Variants in CHODL observed in about 807,000 individuals in gnomAD.
CHODL encodes the protein transmembrane protein MT75.
In CHODL, 29 loss-of-function variants were observed where a neutral mutation model predicts 34.5. That is an observed-to-expected ratio of 0.84 (90% CI 0.63 to 1.15). The LOEUF is 1.15. CHODL is among the 50% of genes most tolerant of loss of function. The probability of loss-of-function intolerance (pLI) is 0.00; values close to 1 mark genes in which losing one functional copy is unlikely to be tolerated. For missense variants in CHODL, 332 were observed against 332.5 expected (o/e 1.00, Z 0.01); for synonymous variants, 125 against 116.1 (o/e 1.08, Z -0.49).
intron 2 of CHODL, among the ~76,000 whole-genome samples, chr21:18,042,304 T>G (rs2146455463): frequency 6.6e-6 from 1 of 151,982 alleles, no homozygotes; most frequent in South Asian, 2.1e-4. Flanking sequence ...TCTGCAAACC[T>G]TCTTACAGCC....
intron 1 of CHODL, among the ~76,000 whole-genome samples, chr21:17,954,976 C>T (rs1206418709): frequency 7.6e-6 from 1 of 131,952 alleles, no homozygotes; most frequent in Non-Finnish European, 1.7e-5. Flanking sequence ...AGGCTACTGT[C>T]ATAAACTTTT....
At chr21:17,971,965 G>A (rs560211365) in intron 1 of CHODL, among the ~76,000 whole-genome samples, 38 of 152,226 alleles carry the variant, frequency 2.5e-4, no homozygotes, top group Non-Finnish European at 3.8e-4. Flanking sequence ...TATCTACCAC[G>A]AACAAGTCGG....
chr21:18,167,290 T>C (rs2073169277), intron 2 of CHODL, among the ~76,000 whole-genome samples: 1 of 148,906 alleles, frequency 6.7e-6, no homozygotes, highest in African/African-American at 2.5e-5. Context: ...GAGTTTTTAC[T>C]GAAGTGTTTT....
intron 1 of CHODL, among the ~76,000 whole-genome samples, chr21:17,948,548 G>A (rs1009398223): frequency 2.0e-5 from 3 of 151,670 alleles, no homozygotes; most frequent in African/African-American, 7.3e-5. Flanking sequence ...GAAAAAAAGA[G>A]GAAATAAAAT....
At chr21:18,200,171 T>C (rs2073635834) in intron 2 of CHODL, among the ~76,000 whole-genome samples, 1 of 152,182 alleles carries the variant, frequency 6.6e-6, no homozygotes, top group African/African-American at 2.4e-5. Context: ...AGTGTTGATT[T>C]GGGTATTTTT....
chr21:18,026,243 C>T (rs796905975), intron 1 of CHODL, among the ~76,000 whole-genome samples: 5 of 152,282 alleles, frequency 3.3e-5, no homozygotes, highest in African/African-American at 1.2e-4. Flanking sequence ...CTAACAGATG[C>T]CACATTTGCT....
intron 4 of CHODL, 35 bp from the exon 5 acceptor site, chr21:18,262,756 C>A: frequency 8.3e-7 from 1 of 1,205,600 alleles, no homozygotes; most frequent in Non-Finnish European, 1.2e-6. Flanking sequence ...TCTTCCTCAA[C>A]TATCTTTTCA....
At chr21:18,118,159 A>G (rs205668) in intron 2 of CHODL, among the ~76,000 whole-genome samples, 14 of 152,218 alleles carry the variant, frequency 9.2e-5, no homozygotes, top group African/African-American at 3.4e-4. Context: ...TAAAATTAAC[A>G]AACTGCATAA....
At chr21:18,017,609 C>T (rs258647) in intron 1 of CHODL, among the ~76,000 whole-genome samples, 50,007 of 152,060 alleles carry the variant, frequency 0.33, 9,970 homozygotes, top group Non-Finnish European at 0.45. Context: ...TTTCAGAGGA[C>T]GTATGAAAAG....
intron 2 of CHODL, among the ~76,000 whole-genome samples, chr21:18,129,397 C>G (rs1036638662): frequency 6.6e-6 from 1 of 152,000 alleles, no homozygotes; most frequent in Admixed American, 6.6e-5. Flanking sequence ...TTCCTCCTGG[C>G]AACATCTATT....
chr21:18,232,172 A>T (rs1049327976), intron 2 of CHODL, among the ~76,000 whole-genome samples: 34 of 152,134 alleles, frequency 2.2e-4, no homozygotes, highest in Admixed American at 2.1e-3. Flanking sequence ...CTTTAAAATG[A>T]TATAAATTAT....
chr21:18,095,983 G>T (rs11911235), intron 2 of CHODL, among the ~76,000 whole-genome samples: 5,918 of 152,244 alleles, frequency 0.039, 377 homozygotes, highest in African/African-American at 0.13. Flanking sequence ...CGGGAAGTCA[G>T]GGACCCTGAA....
rs188101096 is a variant in CHODL, at chr21:18,113,433, T to C, written c.-45+85462T>C. The stretch of plus-strand genomic sequence containing the variant: ...AAAATAACTACCTGAGATTGGGTGA[T>C]TGATAAAATAAGTTTAATTGGCTCA... On this transcript the variant is annotated intron_variant, in intron 2 of 6. Transcript: ENST00000400127. Among the ~76,000 whole-genome samples the C allele has an allele frequency of 4.6e-5, 7 of 152,300 alleles. No individual in the cohort carries two copies. The East Asian group carries it at 1.4e-3, about 29-fold the overall frequency.
At chr21:17,969,048 A>G (rs1045118947) in intron 1 of CHODL, among the ~76,000 whole-genome samples, 1 of 152,206 alleles carries the variant, frequency 6.6e-6, no homozygotes, top group Non-Finnish European at 1.5e-5. Flanking sequence ...TCAATTTATT[A>G]TTTTACTCAA....
intron 1 of CHODL, among the ~76,000 whole-genome samples, chr21:17,986,229 A>T (rs2063752302): frequency 6.6e-6 from 1 of 151,902 alleles, no homozygotes; most frequent in Non-Finnish European, 1.5e-5. Context: ...GTTTTGTTAC[A>T]TAGGTATACA....
intron 2 of CHODL, among the ~76,000 whole-genome samples, chr21:18,065,494 C>T (rs1363792424): frequency 6.6e-6 from 1 of 152,144 alleles, no homozygotes; most frequent in Non-Finnish European, 1.5e-5. Flanking sequence ...ATACTTGAAA[C>T]TTGTGCCATT....
At chr21:18,028,277 C>CCCTT (rs1555853374) in intron 2 of CHODL, among the ~76,000 whole-genome samples, 8,090 of 98,522 alleles carry the variant, frequency 0.082, 495 homozygotes, top group East Asian at 0.14. Flanking sequence ...TTTCCTTTTC[C>CCCTT]CCTTCCTTCC....
chr21:18,034,765 A>C (rs188725363), intron 2 of CHODL: 1 of 152,224 alleles, frequency 6.6e-6, no homozygotes, highest in East Asian at 1.9e-4. Context: ...CTTAGATAGT[A>C]TGTGAGGTCT....
chr21:18,089,139 A>G (rs1374449927), intron 2 of CHODL, among the ~76,000 whole-genome samples: 1 of 152,128 alleles, frequency 6.6e-6, no homozygotes, highest in Non-Finnish European at 1.5e-5. Context: ...TATTTTACCA[A>G]TCTTGTTGCT....
Sources: gnomAD v4.1 joint callset for allele counts (sites outside exome capture counted in the v4.1 genomes callset) on GRCh38, gnomAD v4.1.1 for gene constraint, MANE v1.5 for transcripts, NCBI Gene and HGNC (gene_info 2026-07-23, HGNC 2026-07-21) for gene names.